Variants in GRIN2B observed in about 807,000 individuals in gnomAD.
GRIN2B encodes the protein glutamate ionotropic receptor NMDA type subunit 2B, also known as glutamate receptor ionotropic, NMDA 2B.
A neutral mutation model predicts 114.5 loss-of-function variants in GRIN2B; 5 were observed. That is an observed-to-expected ratio of 0.04 (90% CI 0.02 to 0.09). The LOEUF is 0.09. GRIN2B is among the 10% of genes least tolerant of loss of function. GRIN2B has a pLI of 1.00. For synonymous variants in GRIN2B, 787 were observed against 745.1 expected, an observed-to-expected ratio of 1.06 and a Z score of -0.92; for missense variants, 1,108 against 1,943.5, an observed-to-expected ratio of 0.57 and a Z score of 8.08.
chr12:13,960,927 C>T (rs766061360), intron 2 of GRIN2B, among the ~76,000 whole-genome samples: 2 of 152,136 alleles, frequency 1.3e-5, no homozygotes, highest in Admixed American at 6.5e-5. Flanking sequence ...GATGATTTCT[C>T]AGCAAAGTGT....
In GRIN2B at chr12:13,581,727, T is replaced by C. The variant is rs1188668696; in HGVS notation, c.2011-9763A>G. The stretch of plus-strand genomic sequence containing the variant: ...GAGTTTGAGACCAGCCTGGACAACA[T>C]GGCAAAATCCTATCTTTACTAAAAA... On this transcript the variant is annotated intron_variant, in intron 10 of 13. Transcript: ENST00000609686. Among the ~76,000 whole-genome samples the C allele has an allele frequency of 3.9e-5, 6 of 152,084 alleles. No individual in the cohort carries two copies. The South Asian group carries it at 6.2e-4, about 16-fold the overall frequency.
At chr12:13,809,637 A>T (rs1864688740) in intron 3 of GRIN2B, among the ~76,000 whole-genome samples, 1 of 152,208 alleles carries the variant, frequency 6.6e-6, no homozygotes, top group Non-Finnish European at 1.5e-5. Flanking sequence ...TTTGTCTTAA[A>T]AGGGTATAAG....
intron 4 of GRIN2B, among the ~76,000 whole-genome samples, chr12:13,709,997 C>T (rs1393218016): frequency 1.3e-5 from 2 of 151,906 alleles, no homozygotes; most frequent in Non-Finnish European, 2.9e-5. Flanking sequence ...TTTTTATTCA[C>T]AACAGCCAAA....
At chr12:13,761,204 C>A (rs1323289078) in intron 3 of GRIN2B, among the ~76,000 whole-genome samples, 1 of 152,210 alleles carries the variant, frequency 6.6e-6, no homozygotes, top group Non-Finnish European at 1.5e-5. Context: ...GATAACTAAA[C>A]AACTTCCGCA....
At chr12:13,894,658 T>A (rs376461864) in intron 2 of GRIN2B, among the ~76,000 whole-genome samples, 13 of 152,206 alleles carry the variant, frequency 8.5e-5, no homozygotes, top group East Asian at 3.9e-4. Flanking sequence ...TCAGAAAAAA[T>A]TATTAAAGTT....
intron 10 of GRIN2B, among the ~76,000 whole-genome samples, chr12:13,603,710 G>A (rs1392756780): frequency 6.6e-6 from 1 of 151,990 alleles, no homozygotes; most frequent in Non-Finnish European, 1.5e-5. Flanking sequence ...TTACATTAAA[G>A]GATAGGGAAT....
chr12:13,649,383 C>G (rs2268101), intron 5 of GRIN2B, among the ~76,000 whole-genome samples: 9,663 of 152,002 alleles, frequency 0.064, 389 homozygotes, highest in East Asian at 0.16. Context: ...TCAACTGGTG[C>G]TGAGAACAGC....
chr12:13,685,601 G>A (rs533576988), intron 4 of GRIN2B, among the ~76,000 whole-genome samples: 4 of 152,236 alleles, frequency 2.6e-5, no homozygotes, highest in African/African-American at 9.6e-5. Context: ...TGTCTTTAGG[G>A]GAGACAGGCA....
At chr12:13,819,826 A>G (rs920290102) in intron 3 of GRIN2B, among the ~76,000 whole-genome samples, 1 of 152,220 alleles carries the variant, frequency 6.6e-6, no homozygotes, top group African/African-American at 2.4e-5. Flanking sequence ...CAATTAAGAG[A>G]CTGTGGACTT....
chr12:13,672,435 T>A (rs890701123), intron 5 of GRIN2B, among the ~76,000 whole-genome samples: 1 of 152,132 alleles, frequency 6.6e-6, no homozygotes, highest in East Asian at 1.9e-4. Context: ...AAATCCTCCC[T>A]GGACCAAGGG....
At chr12:13,658,427 G>T (rs1949888996) in intron 5 of GRIN2B, among the ~76,000 whole-genome samples, 1 of 151,978 alleles carries the variant, frequency 6.6e-6, no homozygotes, top group African/African-American at 2.4e-5. Flanking sequence ...ACATAAAAGA[G>T]AAATGAAAAC....
chr12:13,866,565 C>T (rs1368530059), intron 2 of GRIN2B, among the ~76,000 whole-genome samples: 1 of 152,194 alleles, frequency 6.6e-6, no homozygotes. Context: ...CCTCCTGTTA[C>T]AGCCCACCCT....
rs757595865 is a variant in GRIN2B, at chr12:13,753,511, C to A, written c.816G>T (p.Glu272Asp). Residue 272 changes from glutamate (E) to aspartate (D), a missense_variant, in exon 4 of 14, where the codon GAG becomes GAT. Around this residue, in one of 19 missense-constraint regions of GRIN2B, gnomAD observed 199 missense variants for 439.6 expected, o/e 0.45. Transcript: ENST00000609686. The surrounding 1 kb of genome is among the most constrained non-coding windows in gnomAD (Gnocchi z 6.2). ...VAGDTDTVPA[E>D]FPTGLISVSY... ...ATACAGAGATGAGCCCAGTGGGGAA[C>A]TCCGCAGGCACTGTGTCTGTATCCC... The A allele has an allele frequency of 6.2e-7, 1 of 1,614,176 alleles. No individual in the cohort carries two copies. The highest frequency in any genetic ancestry group is 1.1e-5 in the South Asian group (1 of 91,088).
chr12:13,807,054 T>G (rs1410306513), intron 3 of GRIN2B, among the ~76,000 whole-genome samples: 1 of 152,108 alleles, frequency 6.6e-6, no homozygotes, highest in Admixed American at 6.6e-5. Context: ...TATATAAACA[T>G]AAGGTCCATC....
chr12:13,818,111 A>T (rs1864864287), intron 3 of GRIN2B, among the ~76,000 whole-genome samples: 1 of 152,184 alleles, frequency 6.6e-6, no homozygotes, highest in African/African-American at 2.4e-5. Context: ...TATTTTTAAC[A>T]TTTGTATGAT....
intron 10 of GRIN2B, among the ~76,000 whole-genome samples, chr12:13,575,531 C>T (rs760274822): frequency 2.0e-5 from 3 of 151,934 alleles, no homozygotes; most frequent in South Asian, 2.1e-4. Context: ...TGGTGGCATG[C>T]GCTTCTAGTC....
At chr12:13,842,917 CTTTTTT>C (rs201344138) in intron 3 of GRIN2B, among the ~76,000 whole-genome samples, 1 of 103,222 alleles carries the variant, frequency 9.7e-6, no homozygotes, top group Non-Finnish European at 2.0e-5. Context: ...ATTGGTTTTT[CTTTTTT>C]TTTTTTTTTT....
intron 3 of GRIN2B, among the ~76,000 whole-genome samples, chr12:13,757,419 C>T (rs577923119): frequency 3.1e-4 from 47 of 152,322 alleles, no homozygotes; most frequent in African/African-American, 1.1e-3. Flanking sequence ...ATGTGTGCAT[C>T]GAGTAGAAAG....
intron 4 of GRIN2B, among the ~76,000 whole-genome samples, chr12:13,701,980 T>A (rs1012587): frequency 0.25 from 37,443 of 152,136 alleles, 4,694 homozygotes; most frequent in East Asian, 0.33. Flanking sequence ...TCAGTATTTG[T>A]CAATTCAAAC....
Sources: gnomAD v4.1 joint callset for allele counts (sites outside exome capture counted in the v4.1 genomes callset) on GRCh38, gnomAD v4.1.1 for gene constraint, gnomAD v4.1.1 regional missense constraint, Gnocchi (gnomAD v3.1) non-coding constraint, MANE v1.5 for transcripts, NCBI Gene and HGNC (gene_info 2026-07-23, HGNC 2026-07-21) for gene names.